The following NRCAM variants were observed in gnomAD, a reference collection of about 807,000 sequenced individuals.
NRCAM encodes the protein neuronal cell adhesion molecule, also known as NgCAM-related cell adhesion molecule.
Under a neutral mutation model 156.5 loss-of-function variants are expected in NRCAM, and 83 were observed. That is an observed-to-expected ratio of 0.53 (90% confidence interval 0.44 to 0.64). The LOEUF is 0.64. Among genes scored for constraint, NRCAM ranks in the 30% least tolerant of loss-of-function variants. The pLI, the probability that NRCAM is intolerant of heterozygous loss-of-function variation, is 0.00. For synonymous variants in NRCAM, 538 were observed against 563.9 expected (o/e 0.95, Z 0.65); for missense variants, 1,417 against 1,597.3 (o/e 0.89, Z 1.92).
chr7:108,172,988 T>G (rs2059094994), intron 28 of NRCAM, among the ~76,000 whole-genome samples: 1 of 65,992 alleles, frequency 1.5e-5, no homozygotes, highest in Admixed American at 2.6e-4. Flanking sequence ...TGTTGATTTT[T>G]TTTTTTTTTT....
chr7:108,295,769 G>A (rs2098441895), intron 3 of NRCAM, among the ~76,000 whole-genome samples: 1 of 152,196 alleles, frequency 6.6e-6, no homozygotes, highest in South Asian at 2.1e-4. Flanking sequence ...GTGCTAAACA[G>A]TCCATCTTCA....
chr7:108,156,508 T>TG (rs1388106004), intron 32 of NRCAM: 2 of 723,266 alleles, frequency 2.8e-6, no homozygotes, highest in East Asian at 2.6e-4. Flanking sequence ...GGTAACTGCT[T>TG]GGGGGTGGGT....
rs2065546314 is a variant in NRCAM at position 108,184,609 on chromosome 7, T to G, written c.2041A>C (p.Ile681Leu). 2 of 1,612,092 alleles carry G rather than the reference T, an allele frequency of 1.2e-6. No individual in the cohort carries two copies. Among genetic ancestry groups the G allele is most frequent in the African/African-American group, 2.7e-5 (2 of 74,886 alleles). Residue 681 changes from isoleucine to leucine, a missense_variant, in exon 21 of 33, where the codon ATC becomes CTC. Transcript: ENST00000379028. ...TGCATTGCATCTTCATATTCGATGATGAATTCTGGTCACGACACACACACA... is the reference window on the plus strand; with the variant it reads ...TGCATTGCATCTTCATATTCGATGAGGAATTCTGGTCACGACACACACACA... ...DDNNSPITKF[I>L]IEYEDAMHKP...
intron 1 of NRCAM, among the ~76,000 whole-genome samples, chr7:108,431,695 A>G (rs966869617): frequency 5.9e-5 from 9 of 152,174 alleles, no homozygotes; most frequent in African/African-American, 2.2e-4. Context: ...TGAGGTAGGA[A>G]AATCACTTGA....
At chr7:108,257,260 CTAGATTGGGATGAAGT>C (rs2096720928) in intron 3 of NRCAM, among the ~76,000 whole-genome samples, 1 of 152,082 alleles carries the variant, frequency 6.6e-6, no homozygotes, top group Admixed American at 6.5e-5. Context: ...TGTTCTGTAG[CTAGATTGGGATGAAGT>C]TTGCTGTTAA....
chr7:108,371,751 C>T (rs2099630003), intron 2 of NRCAM, among the ~76,000 whole-genome samples: 1 of 151,992 alleles, frequency 6.6e-6, no homozygotes. Context: ...GGAGAAAGTG[C>T]TTCTATAATA....
At chr7:108,315,920 T>C (rs1360563030) in intron 2 of NRCAM, among the ~76,000 whole-genome samples, 6 of 152,232 alleles carry the variant, frequency 3.9e-5, no homozygotes, top group Non-Finnish European at 5.9e-5. Context: ...CATCCAATAG[T>C]GAGCAAATTA....
intron 1 of NRCAM, among the ~76,000 whole-genome samples, chr7:108,427,300 T>C (rs1446963545): frequency 6.6e-6 from 1 of 152,202 alleles, no homozygotes; most frequent in Non-Finnish European, 1.5e-5. Context: ...ATTTCTGGTG[T>C]GCTAGTCCTC....
chr7:108,328,680 C>G (rs572635044), intron 2 of NRCAM: 1 of 152,216 alleles, frequency 6.6e-6, no homozygotes, highest in Admixed American at 6.5e-5. Flanking sequence ...TCTTCGTATC[C>G]ATTTAGAAGC....
intron 3 of NRCAM, among the ~76,000 whole-genome samples, chr7:108,250,535 G>C (rs1023455476): frequency 1.3e-5 from 2 of 151,722 alleles, no homozygotes; most frequent in Non-Finnish European, 2.9e-5. Flanking sequence ...TTATTTGTGG[G>C]ATCTAAAATT....
intron 3 of NRCAM, among the ~76,000 whole-genome samples, chr7:108,278,116 C>G (rs1190945630): frequency 2.6e-5 from 4 of 152,196 alleles, no homozygotes; most frequent in African/African-American, 9.7e-5. Context: ...GAAGCTTCAT[C>G]TCAGAGGGGC....
intron 20 of NRCAM, among the ~76,000 whole-genome samples, chr7:108,186,793 T>C (rs1316896870): frequency 2.0e-5 from 3 of 152,230 alleles, no homozygotes; most frequent in East Asian, 3.8e-4. Context: ...GCTTCTCTTA[T>C]ATAAGTTCTC....
At chr7:108,376,898 C>G (rs891246976) in intron 2 of NRCAM, among the ~76,000 whole-genome samples, 4 of 152,212 alleles carry the variant, frequency 2.6e-5, no homozygotes, top group Admixed American at 6.5e-5. Context: ...GGTGCAGTGG[C>G]TCATGCCTGT....
chr7:108,395,182 C>T (rs557525866), intron 2 of NRCAM, among the ~76,000 whole-genome samples: 14 of 152,226 alleles, frequency 9.2e-5, no homozygotes, highest in Non-Finnish European at 1.8e-4. Context: ...TTAACTAAGG[C>T]AAAAACAAAT....
chr7:108,384,916 C>T (rs942807884), intron 2 of NRCAM, among the ~76,000 whole-genome samples: 34 of 152,118 alleles, frequency 2.2e-4, no homozygotes, highest in African/African-American at 7.7e-4. Flanking sequence ...CATGGGTTAT[C>T]GTGAAGCTGA....
At position 108,225,536 on chromosome 7, in the gene NRCAM, T is replaced by C. The variant is rs2093297523; in HGVS notation, c.778+109A>G. On this transcript the variant is annotated intron_variant, in intron 10 of 32. Transcript: ENST00000379028. The stretch of plus-strand genomic sequence containing the variant: ...ATTTATACTAGTGGTATTTAACATA[T>C]AACTAGAAATCTCATAAAGAAATAA... The C allele has an allele frequency of 2.9e-5, 22 of 768,708 alleles. No individual in the cohort carries two copies. In the South Asian group the frequency reaches 3.1e-4, roughly 11 times the overall value. The allele number at this position is 768,708 out of a possible 1,614,324, so 47.6% of individuals were successfully genotyped here.
intron 25 of NRCAM, among the ~76,000 whole-genome samples, chr7:108,179,006 G>T (rs1244801008): frequency 6.6e-6 from 1 of 151,764 alleles, no homozygotes; most frequent in Non-Finnish European, 1.5e-5. Context: ...CCTGCTTTAG[G>T]CCCCTAGATG....
At chr7:108,405,856 C>A (rs780525529) in intron 1 of NRCAM, among the ~76,000 whole-genome samples, 3 of 152,014 alleles carry the variant, frequency 2.0e-5, no homozygotes, top group African/African-American at 7.2e-5. Context: ...CAGTGGCTCA[C>A]GGCTGTAATC....
intron 17 of NRCAM, among the ~76,000 whole-genome samples, chr7:108,193,282 C>T (rs564869460): frequency 1.3e-5 from 2 of 152,160 alleles, no homozygotes; most frequent in African/African-American, 2.4e-5. Flanking sequence ...CAGAGTTCTT[C>T]CAGGGTCATT....
Sources: allele counts gnomAD v4.1 joint callset (sites outside exome capture counted in the v4.1 genomes callset), GRCh38; gene constraint gnomAD v4.1.1; transcripts MANE v1.5; gene names NCBI Gene and HGNC (gene_info 2026-07-23, HGNC 2026-07-21).